Variants in HOXB4 observed in about 807,000 individuals in gnomAD.
HOXB4 encodes the protein homeobox protein Hox-B4.
Under a neutral mutation model 20.0 loss-of-function variants are expected in HOXB4, and 13 were observed. The observed-to-expected ratio is 0.65, with a 90% CI of 0.42 to 1.03. The LOEUF is 1.03. HOXB4 is among the 50% of genes least tolerant of loss of function. The pLI is 0.00. For missense variants in HOXB4, 343 were observed against 357.1 expected, an observed-to-expected ratio of 0.96 and a Z score of 0.32; for synonymous variants, 173 against 148.9, an observed-to-expected ratio of 1.16 and a Z score of -1.18.
At position 48,576,658 on chromosome 17, in the gene HOXB4, C is replaced by A; in HGVS notation, c.*64G>T. The stretch of plus-strand genomic sequence containing the variant: ...CCCAGGGCCCCCTCCTGTCCCCCCA[C>A]CCCATCCCCTGCACTCACTGCCCAC... On this transcript the variant is annotated 3_prime_UTR_variant, in exon 2 of 2. Transcript: ENST00000332503. 5 of 846,692 alleles carry A rather than the reference C, an allele frequency of 5.9e-6. No individual in the cohort carries two copies. Among genetic ancestry groups the A allele is most frequent in the East Asian group, 3.6e-5 (1 of 27,428 alleles). The allele number at this position is 846,692 out of a possible 1,614,324, so 52.4% of individuals were successfully genotyped here.
In HOXB4 at chr17:48,575,692, A is replaced by G. The variant is rs1277646792; in HGVS notation, c.*1030T>C. 1 of 149,750 alleles carries G rather than the reference A, an allele frequency of 6.7e-6. No homozygotes were observed. Among genetic ancestry groups the G allele is most frequent in the Non-Finnish European group, 1.5e-5 (1 of 67,830 alleles). 9.3% of individuals were successfully genotyped at this position (149,750 alleles called of 1,614,324 possible). Reference sequence around the variant, plus strand: ...ACAAAAAAATAGTAATAATAATATTATCAATAATAATAATAAACGATGCAA... The same window carrying G: ...ACAAAAAAATAGTAATAATAATATTGTCAATAATAATAATAAACGATGCAA... On this transcript the variant is annotated 3_prime_UTR_variant, in exon 2 of 2. Coordinates refer to ENST00000332503, the MANE Select transcript of HOXB4 (RefSeq NM_024015.5).
Position 48,576,755 on chromosome 17 carries a change from AG to A in HOXB4, c.722del (p.Pro241LeufsTer28), listed in dbSNP as rs1278368885. On this transcript the variant is annotated frameshift_variant, in exon 2 of 2. Coordinates refer to ENST00000332503, the MANE Select transcript of HOXB4 (RefSeq NM_024015.5). LOFTEE classifies it high-confidence loss of function. ...CGCGGGGGCCTCCATTGGGCCGGCC[AG>A]GGGGCCCTCCGGCTGAGCCTGCCGC... The part of the protein sequence containing the change: ...GGAAGSAGGP[P>X]GRPNGGPRAL 3 of 1,425,406 alleles carry A rather than the reference AG, an allele frequency of 2.1e-6. No homozygotes were observed. Among genetic ancestry groups the A allele is most frequent in the Non-Finnish European group, 2.8e-6 (3 of 1,061,758 alleles). 88.3% of individuals were successfully genotyped at this position (1,425,406 alleles called of 1,614,324 possible).
At position 48,576,648 on chromosome 17, in the gene HOXB4, T is replaced by G; in HGVS notation, c.*74A>C. 3.8e-5 allele frequency: 20 copies of G among 529,824 alleles called. No individual in the cohort carries two copies. Among genetic ancestry groups the G allele is most frequent in the East Asian group, 6.5e-5 (1 of 15,438 alleles). The allele number at this position is 529,824 out of a possible 1,614,324, so 32.8% of individuals were successfully genotyped here. On this transcript the variant is annotated 3_prime_UTR_variant, in exon 2 of 2. Coordinates refer to ENST00000332503, the MANE Select transcript of HOXB4 (RefSeq NM_024015.5). The stretch of plus-strand genomic sequence containing the variant: ...GGGCCCAGGCCCCAGGGCCCCCTCC[T>G]GTCCCCCCACCCCATCCCCTGCACT...
Position 48,578,026 on chromosome 17 carries a change from G to A in HOXB4, c.294C>T (p.Pro98=). 8.0e-7 allele frequency: 1 copy of A among 1,253,800 alleles called. No homozygotes were observed. Among genetic ancestry groups the A allele is most frequent in the Non-Finnish European group, 1.0e-6 (1 of 996,554 alleles). 77.7% of individuals were successfully genotyped at this position (1,253,800 alleles called of 1,614,324 possible). A position where few individuals can be genotyped will look rare whatever the true frequency, so the allele number is the denominator to read the frequency against. ...CGGGCTCCGGGAGGAGGGCCCCGGC[G>A]GGTGGCGGCGCAGGAGCCCGAGGGG... The part of the protein sequence containing the change: ...GLSPRAPAPP[P]AGALLPEPGQ... The change falls in exon 1 of 2, where the codon CCC becomes CCT. Residue 98 remains proline (P), a synonymous_variant. Coordinates refer to ENST00000332503, the MANE Select transcript of HOXB4 (RefSeq NM_024015.5).
In HOXB4 at chr17:48,576,993, G is replaced by C. The variant is rs747343741; in HGVS notation, c.485C>G (p.Pro162Arg). The stretch of plus-strand genomic sequence containing the variant: ...CGTGTAGGCGGTCCGAGAGCGCTTG[G>C]GCTCCCCGCCGGCGTAATTGGGGTT... Reference protein sequence around the residue: ...TVNPNYAGGEPKRSRTAYTRQ... With the variant: ...TVNPNYAGGERKRSRTAYTRQ... Residue 162 changes from proline (P) to arginine (R), a missense_variant, in exon 2 of 2, where the codon CCC (proline) becomes CGC (arginine). Around this residue, in one of 3 missense-constraint regions of HOXB4, gnomAD observed 54 missense variants for 90.3 expected, o/e 0.60. Transcript: ENST00000332503. 1 of 1,607,668 alleles carries C rather than the reference G, an allele frequency of 6.2e-7. No homozygotes were observed. Among genetic ancestry groups the C allele is most frequent in the Non-Finnish European group, 8.5e-7 (1 of 1,175,616 alleles).
In HOXB4 at chr17:48,578,024, GCGGGTGGCGGCGCAGGAGC is replaced by G; in HGVS notation, c.277_295del (p.Ala93ProfsTer52). 1 of 1,253,934 alleles carries G rather than the reference GCGGGTGGCGGCGCAGGAGC, an allele frequency of 8.0e-7. No homozygotes were observed. Among genetic ancestry groups the G allele is most frequent in the African/African-American group, 1.5e-5 (1 of 65,308 alleles). The allele number at this position is 1,253,934 out of a possible 1,614,324, so 77.7% of individuals were successfully genotyped here. A position where few individuals can be genotyped will look rare whatever the true frequency, so the allele number is the denominator to read the frequency against. ...GCCGGGCTCCGGGAGGAGGGCCCCG[GCGGGTGGCGGCGCAGGAGC>G]CCGAGGGGACAGACCGGGCGGTGGC... is the stretch of plus-strand genomic sequence containing the variant. On this transcript the variant is annotated frameshift_variant, in exon 1 of 2. Transcript: ENST00000332503. LOFTEE classifies it high-confidence loss of function.
chr17:48,576,716 G>C lies in HOXB4; in HGVS notation c.*6C>G, dbSNP rs754884797. 1.3e-6 allele frequency: 2 copies of C among 1,591,288 alleles called. No individual in the cohort carries two copies. The highest frequency in any genetic ancestry group is 1.3e-5 in the African/African-American group (1 of 74,270). Reference sequence around the variant, plus strand: ...CCGAGGTTCGTGGCTCCCGCGTGCGGGGGCACTAGAGCGCGCGGGGGCCTC... The same window carrying C: ...CCGAGGTTCGTGGCTCCCGCGTGCGCGGGCACTAGAGCGCGCGGGGGCCTC... On this transcript the variant is annotated 3_prime_UTR_variant, in exon 2 of 2. Transcript: ENST00000332503.
rs577020144 is a variant in HOXB4 at position 48,576,110 on chromosome 17, T to G, written c.*612A>C. On this transcript the variant is annotated 3_prime_UTR_variant, in exon 2 of 2. Transcript: ENST00000332503. Reference sequence around the variant, plus strand: ...AATGGGCACGAAAGATGAGGGAGAGTGTGTGTGTGTTACCGTGACCAAAAC... The same window carrying G: ...AATGGGCACGAAAGATGAGGGAGAGGGTGTGTGTGTTACCGTGACCAAAAC... The G allele has an allele frequency of 1.3e-5, 2 of 151,594 alleles. No individual in the cohort carries two copies. The highest frequency in any genetic ancestry group is 3.9e-4 in the East Asian group (2 of 5,134). 9.4% of individuals were successfully genotyped at this position (151,594 alleles called of 1,614,324 possible). A position where few individuals can be genotyped will look rare whatever the true frequency, so the allele number is the denominator to read the frequency against.
chr17:48,576,685 C>A lies in HOXB4; in HGVS notation c.*37G>T. 6.5e-7 allele frequency: 1 copy of A among 1,532,444 alleles called. No homozygotes were observed. The allele number at this position is 1,532,444 out of a possible 1,614,324, so 94.9% of individuals were successfully genotyped here. A position where few individuals can be genotyped will look rare whatever the true frequency, so the allele number is the denominator to read the frequency against. On this transcript the variant is annotated 3_prime_UTR_variant, in exon 2 of 2. Transcript: ENST00000332503. ...CCATCCCCTGCACTCACTGCCCACCCCCACCCCGAGGTTCGTGGCTCCCGC... is the reference window on the plus strand; with the variant it reads ...CCATCCCCTGCACTCACTGCCCACCACCACCCCGAGGTTCGTGGCTCCCGC...
Position 48,575,927 on chromosome 17 carries a change from CCTCCCGGGT to C in HOXB4, c.*786_*794del, listed in dbSNP as rs1567962540. 1 of 152,402 alleles carries C rather than the reference CCTCCCGGGT, an allele frequency of 6.6e-6. No homozygotes were observed. The highest frequency in any genetic ancestry group is 1.5e-5 in the Non-Finnish European group (1 of 68,054). 9.4% of individuals were successfully genotyped at this position (152,402 alleles called of 1,614,324 possible). A position where few individuals can be genotyped will look rare whatever the true frequency, so the allele number is the denominator to read the frequency against. Reference sequence around the variant, plus strand: ...TTGGCTTGGCCTTTCAGAGGAAGGCCCTCCCGGGTCTCTGAGTCTCTCTTTTTCCTTGGA... The same window carrying C: ...TTGGCTTGGCCTTTCAGAGGAAGGCCCTCTGAGTCTCTCTTTTTCCTTGGA... On this transcript the variant is annotated 3_prime_UTR_variant, in exon 2 of 2. Coordinates refer to ENST00000332503, the MANE Select transcript of HOXB4 (RefSeq NM_024015.5).
chr17:48,576,647 C>CGG lies in HOXB4; in HGVS notation c.*74_*75insCC. ...GGGGCCCAGGCCCCAGGGCCCCCTCCTGTCCCCCCACCCCATCCCCTGCAC... is the reference window on the plus strand; with the variant it reads ...GGGGCCCAGGCCCCAGGGCCCCCTCCGGTGTCCCCCCACCCCATCCCCTGCAC... On this transcript the variant is annotated 3_prime_UTR_variant, in exon 2 of 2. Transcript: ENST00000332503. 4 of 988,928 alleles carry CGG rather than the reference C, an allele frequency of 4.0e-6. No individual in the cohort carries two copies. The highest frequency in any genetic ancestry group is 1.7e-5 in the African/African-American group (1 of 59,150). The allele number at this position is 988,928 out of a possible 1,614,324, so 61.3% of individuals were successfully genotyped here. A position where few individuals can be genotyped will look rare whatever the true frequency, so the allele number is the denominator to read the frequency against.
intron 1 of HOXB4, 134 bp from the exon 2 acceptor site, chr17:48,577,154 G>T: frequency 7.8e-6 from 7 of 896,058 alleles, no homozygotes; most frequent in Non-Finnish European, 1.2e-5. Context: ...GGGAGAGCGG[G>T]GAAAAACGAA....
rs2069738017 is a variant in HOXB4, at chr17:48,575,770, G to T, written c.*952C>A. 6.6e-6 allele frequency: 1 copy of T among 152,494 alleles called. No individual in the cohort carries two copies. The highest frequency in any genetic ancestry group is 1.5e-5 in the Non-Finnish European group (1 of 68,020). 9.4% of individuals were successfully genotyped at this position (152,494 alleles called of 1,614,324 possible). ...CAACATCCTCCTCCCAGACTGGGAG[G>T]GGCACATTTTATTTCCTAGTTTCAC... is the stretch of plus-strand genomic sequence containing the variant. On this transcript the variant is annotated 3_prime_UTR_variant, in exon 2 of 2. Coordinates refer to ENST00000332503, the MANE Select transcript of HOXB4 (RefSeq NM_024015.5).
chr17:48,578,229 T>C lies in HOXB4; in HGVS notation c.91A>G (p.Ser31Gly), dbSNP rs1462988377. Residue 31 changes from serine (S) to glycine (G), a missense_variant, in exon 1 of 2, where the codon AGC becomes GGC. Coordinates refer to ENST00000332503, the MANE Select transcript of HOXB4 (RefSeq NM_024015.5). ...GCGTAGTACCCGGGCGAGTGGTCGC[T>C]GGGTAGGTAATCGCTCTGTGAATAT... ...EEYSQSDYLP[S>G]DHSPGYYAGG... The C allele has an allele frequency of 6.2e-7, 1 of 1,613,852 alleles. No homozygotes were observed. Among genetic ancestry groups the C allele is most frequent in the African/African-American group, 1.3e-5 (1 of 74,898 alleles).
Position 48,576,670 on chromosome 17 carries a change from C to T in HOXB4, c.*52G>A. On this transcript the variant is annotated 3_prime_UTR_variant, in exon 2 of 2. Coordinates refer to ENST00000332503, the MANE Select transcript of HOXB4 (RefSeq NM_024015.5). Reference sequence around the variant, plus strand: ...TCCTGTCCCCCCACCCCATCCCCTGCACTCACTGCCCACCCCCACCCCGAG... The same window carrying T: ...TCCTGTCCCCCCACCCCATCCCCTGTACTCACTGCCCACCCCCACCCCGAG... The T allele has an allele frequency of 1.1e-6, 1 of 935,398 alleles. No homozygotes were observed. The highest frequency in any genetic ancestry group is 1.5e-6 in the Non-Finnish European group (1 of 649,326). The allele number at this position is 935,398 out of a possible 1,614,324, so 57.9% of individuals were successfully genotyped here.
rs201040786 is a variant in HOXB4, at chr17:48,578,002, G to A, written c.318C>T (p.Pro106=). The stretch of plus-strand genomic sequence containing the variant: ...TGCTGACCGCCTCGCAGCGCTGGCC[G>A]GGCTCCGGGAGGAGGGCCCCGGCGG... ...PPPAGALLPE[P]GQRCEAVSSS... is the part of the protein sequence containing the mutation. Residue 106 remains proline (P), a synonymous_variant, in exon 1 of 2, where the codon CCC becomes CCT. Coordinates refer to ENST00000332503, the MANE Select transcript of HOXB4 (RefSeq NM_024015.5). 42,250 of 1,294,528 alleles carry A rather than the reference G, an allele frequency of 0.033. 768 individuals are homozygous for A. The highest frequency in any genetic ancestry group is 0.037 in the Non-Finnish European group (38,081 of 1,018,672). 80.2% of individuals were successfully genotyped at this position (1,294,528 alleles called of 1,614,324 possible).
Position 48,576,622 on chromosome 17 carries a change from G to T in HOXB4, c.*100C>A, listed in dbSNP as rs1322343771. 4 of 1,123,886 alleles carry T rather than the reference G, an allele frequency of 3.6e-6. No individual in the cohort carries two copies. In the East Asian group the frequency reaches 1.1e-4, roughly 30 times the overall value. 69.6% of individuals were successfully genotyped at this position (1,123,886 alleles called of 1,614,324 possible). On this transcript the variant is annotated 3_prime_UTR_variant, in exon 2 of 2. Coordinates refer to ENST00000332503, the MANE Select transcript of HOXB4 (RefSeq NM_024015.5). ...TGGGGGAGGGCAGATAGATTTTTCCGGGGCCCAGGCCCCAGGGCCCCCTCC... is the reference window on the plus strand; with the variant it reads ...TGGGGGAGGGCAGATAGATTTTTCCTGGGCCCAGGCCCCAGGGCCCCCTCC...
chr17:48,577,209 T>G (rs746806475), intron 1 of HOXB4, among the ~76,000 whole-genome samples, 189 bp from the exon 2 acceptor site: 1 of 151,946 alleles, frequency 6.6e-6, no homozygotes, highest in Non-Finnish European at 1.5e-5. Flanking sequence ...GACCTCCAAG[T>G]TTTGGAGGGC....
chr17:48,576,631 G>A lies in HOXB4; in HGVS notation c.*91C>T, dbSNP rs1368603801. 1.1e-5 allele frequency: 13 copies of A among 1,185,266 alleles called. No individual in the cohort carries two copies. The highest frequency in any genetic ancestry group is 1.4e-5 in the Non-Finnish European group (12 of 875,566). 73.4% of individuals were successfully genotyped at this position (1,185,266 alleles called of 1,614,324 possible). A position where few individuals can be genotyped will look rare whatever the true frequency, so the allele number is the denominator to read the frequency against. ...GCAGATAGATTTTTCCGGGGCCCAG[G>A]CCCCAGGGCCCCCTCCTGTCCCCCC... is the stretch of plus-strand genomic sequence containing the variant. On this transcript the variant is annotated 3_prime_UTR_variant, in exon 2 of 2. Coordinates refer to ENST00000332503, the MANE Select transcript of HOXB4 (RefSeq NM_024015.5).
Sources: allele counts gnomAD v4.1 joint callset (sites outside exome capture counted in the v4.1 genomes callset), GRCh38; gene constraint gnomAD v4.1.1; regional missense constraint gnomAD v4.1.1; transcripts MANE v1.5; gene names NCBI Gene and HGNC (gene_info 2026-07-23, HGNC 2026-07-21).